Variants in RNF213 observed in about 807,000 individuals in gnomAD.
RNF213 encodes ring finger protein 213, also known as E3 ubiquitin-protein ligase RNF213.
Under a neutral mutation model 514.4 loss-of-function variants are expected in RNF213, and 341 were observed. The ratio of observed to expected loss-of-function variants is 0.66; its 90% confidence interval spans 0.61 to 0.73. RNF213 has a LOEUF of 0.73. RNF213 is among the 30% of genes least tolerant of loss of function. The probability of loss-of-function intolerance (pLI) is 0.00; values close to 1 mark genes in which losing one functional copy is unlikely to be tolerated. For synonymous variants in RNF213, 2,655 were observed against 2,658.2 expected, an observed-to-expected ratio of 1.00 and a Z score of 0.04; for missense variants, 5,767 against 6,615.6, an observed-to-expected ratio of 0.87 and a Z score of 4.45.
intron 3 of RNF213, among the ~76,000 whole-genome samples, chr17:80,280,560 C>T (rs575103720): frequency 6.6e-6 from 1 of 151,984 alleles, no homozygotes; most frequent in African/African-American, 2.4e-5. Context: ...CTCAAGCAAT[C>T]CTCGTGCCTC....
At position 80,354,083 on chromosome 17, in the gene RNF213, G is replaced by A; in HGVS notation, c.10643G>A (p.Arg3548Lys). The A allele has an allele frequency of 6.2e-7, 1 of 1,614,082 alleles. No individual in the cohort carries two copies. Among genetic ancestry groups the A allele is most frequent in the Non-Finnish European group, 8.5e-7 (1 of 1,180,042 alleles). The change falls in exon 35 of 68, where the codon AGA becomes AAA. Residue 3548 changes from arginine to lysine, a missense_variant. By Grantham distance (26) the Arg-to-Lys change is conservative. Around this residue, in one of 13 missense-constraint regions of RNF213, gnomAD observed 919 missense variants for 1,121.0 expected, o/e 0.82. Transcript: ENST00000582970. ...SCVQSAVGMLRDQNESCTRNM... is the reference protein window; with the variant it reads ...SCVQSAVGMLKDQNESCTRNM... ...GTGCAGAGCGCCGTGGGCATGCTCA[G>A]AGACCAGAACGAGAGCTGCACGCGC...
rs2080661003 is a variant in RNF213, at chr17:80,396,342, T to C, written c.*2844T>C. 1 of 152,244 alleles carries C rather than the reference T, an allele frequency of 6.6e-6. No individual in the cohort carries two copies. Among genetic ancestry groups the C allele is most frequent in the African/African-American group, 2.4e-5 (1 of 41,458 alleles). 9.4% of individuals were successfully genotyped at this position (152,244 alleles called of 1,614,324 possible). On this transcript the variant is annotated 3_prime_UTR_variant, in exon 68 of 68. Coordinates refer to ENST00000582970, the MANE Select transcript of RNF213 (RefSeq NM_001256071.3). ...ATAGTTATGAGACTTTGTGCATGTG[T>C]TAACCGAGACGGCCCTGAGCTATTT...
intron 61 of RNF213, 105 bp from the exon 62 acceptor site, chr17:80,386,145 C>G: frequency 1.8e-6 from 2 of 1,128,814 alleles, no homozygotes; most frequent in Non-Finnish European, 2.7e-6. Flanking sequence ...ACCCGGCTCC[C>G]GGCTGTGTGT....
chr17:80,295,100 C>T, intron 9 of RNF213, 97 bp downstream of exon 9: 2 of 1,424,626 alleles, frequency 1.4e-6, no homozygotes, highest in South Asian at 2.3e-5. Flanking sequence ...GGCCAGGTTG[C>T]AAATGGGAAT....
chr17:80,291,078 C>T (rs113346223), intron 7 of RNF213, among the ~76,000 whole-genome samples: 236 of 152,240 alleles, frequency 1.6e-3, no homozygotes, highest in African/African-American at 5.3e-3. Flanking sequence ...TCCCAAAGTG[C>T]TGGGATTACA....
chr17:80,345,353 G>T lies in RNF213; in HGVS notation c.7018G>T (p.Val2340Phe). The part of the protein sequence containing the change: ...VDAISHLTGK[V>F]IKRDVMTRDL... ...TGCCATCAGTCACTTGACTGGGAAG[G>T]TCATCAAGAGAGACGTCATGACCAG... Residue 2340 changes from valine to phenylalanine, a missense_variant, in exon 29 of 68, where the codon GTC becomes TTC. Around this residue, in one of 13 missense-constraint regions of RNF213, gnomAD observed 1,377 missense variants for 1,635.2 expected, o/e 0.84. Transcript: ENST00000582970. This position sits in a 1 kb window ranked among gnomAD's most constrained non-coding sequence, Gnocchi z 6.0. The T allele has an allele frequency of 6.2e-7, 1 of 1,614,100 alleles. No homozygotes were observed. The highest frequency in any genetic ancestry group is 1.1e-5 in the South Asian group (1 of 91,076).
At chr17:80,313,312 GCTC>G in intron 15 of RNF213, 145 bp downstream of exon 15, 1 of 1,129,570 alleles carries the variant, frequency 8.9e-7, no homozygotes, top group East Asian at 2.4e-5. Flanking sequence ...AAATGGAGTT[GCTC>G]CTGTCTACCT....
In RNF213 at chr17:80,334,262, C is replaced by T; in HGVS notation, c.4301C>T (p.Ala1434Val). ...GAGTTCATCTGCTGGGTCCGGGAGG[C>T]TCTTGGAGGTAAAATCAGCCTTTGG... Reference protein sequence around the residue: ...RKEFICWVREALGGINELKVF... With the variant: ...RKEFICWVREVLGGINELKVF... The change falls in exon 22 of 68, where the codon GCT (alanine) becomes GTT (valine). Residue 1434 changes from alanine (A) to valine (V), a missense_variant. Around this residue, in one of 13 missense-constraint regions of RNF213, gnomAD observed 516 missense variants for 566.5 expected, o/e 0.91. Transcript: ENST00000582970. The T allele has an allele frequency of 1.3e-6, 2 of 1,533,028 alleles. No individual in the cohort carries two copies. The highest frequency in any genetic ancestry group is 1.2e-5 in the South Asian group (1 of 83,756). 95.0% of individuals were successfully genotyped at this position (1,533,028 alleles called of 1,614,324 possible).
In RNF213 at chr17:80,350,283, A is replaced by T; in HGVS notation, c.10089-18A>T. Reference sequence around the variant, plus strand: ...TTAAGACAGAGAACTCACTTGAATAACTTCCCTTTTCTTTCAGAAACTGTT... The same window carrying T: ...TTAAGACAGAGAACTCACTTGAATATCTTCCCTTTTCTTTCAGAAACTGTT... On this transcript the variant is annotated intron_variant, in intron 30 of 67. Transcript: ENST00000582970. 1 of 1,462,202 alleles carries T rather than the reference A, an allele frequency of 6.8e-7. No individual in the cohort carries two copies. Among genetic ancestry groups the T allele is most frequent in the Non-Finnish European group, 9.6e-7 (1 of 1,041,600 alleles). 90.6% of individuals were successfully genotyped at this position (1,462,202 alleles called of 1,614,324 possible).
At chr17:80,273,675 A>T (rs2043913713) in intron 3 of RNF213, among the ~76,000 whole-genome samples, 1 of 137,818 alleles carries the variant, frequency 7.3e-6, no homozygotes, top group African/African-American at 2.8e-5. Context: ...GCTGGAGTGC[A>T]GTGGTGCGAT....
intron 21 of RNF213, among the ~76,000 whole-genome samples, chr17:80,333,226 AT>A (rs370966572): frequency 0.58 from 82,140 of 140,906 alleles, 24,411 homozygotes; most frequent in Middle Eastern, 0.68. Context: ...TTTTTTTGGT[AT>A]TTTTTTTTTT....
rs201832175 is a variant in RNF213 at position 80,313,007 on chromosome 17, A to G, written c.2656-5A>G. 1,169 of 1,613,804 alleles carry G rather than the reference A, an allele frequency of 7.2e-4. 6 individuals carry two copies. Among genetic ancestry groups the G allele is most frequent in the Non-Finnish European group, 8.0e-4 (940 of 1,180,020 alleles). ...TGACTGACCCTCCCTCTTGTGTGAC[A>G]ACAGGATTCTGCAGGACAGAGAGAT... On this transcript the variant is annotated splice_polypyrimidine_tract_variant and splice_region_variant and intron_variant, in intron 14 of 67. Coordinates refer to ENST00000582970, the MANE Select transcript of RNF213 (RefSeq NM_001256071.3).
At chr17:80,328,268 C>G in intron 19 of RNF213, 60 bp from the exon 20 acceptor site, 1 of 1,493,910 alleles carries the variant, frequency 6.7e-7, no homozygotes. Flanking sequence ...CAAAGCATTG[C>G]CATGGAAAAT....
Position 80,374,527 on chromosome 17 carries a change from C to T in RNF213, c.13012C>T (p.Arg4338Cys), listed in dbSNP as rs757330419. 1.7e-5 allele frequency: 28 copies of T among 1,614,054 alleles called. No individual in the cohort carries two copies. The highest frequency in any genetic ancestry group is 4.4e-5 in the South Asian group (4 of 91,088). Residue 4338 changes from arginine (R) to cysteine (C), a missense_variant, in exon 50 of 68, where the codon CGT (arginine) becomes TGT (cysteine). Arg to Cys is a radical substitution (Grantham distance 180). This residue lies in a region of RNF213 where 1,245 missense variants were observed against 1,339.0 expected (regional missense o/e 0.93). Coordinates refer to ENST00000582970, the MANE Select transcript of RNF213 (RefSeq NM_001256071.3). ...GTACGGCGATGAATACAAGGCTCTC[C>T]GTGATGCTGTGGCCAAAGCTGTCCT... The part of the protein sequence containing the change: ...LVYGDEYKAL[R>C]DAVAKAVLEC...
At position 80,345,852 on chromosome 17, in the gene RNF213, T is replaced by C. The variant is rs555984332; in HGVS notation, c.7517T>C (p.Met2506Thr). The change falls in exon 29 of 68, where the codon ATG becomes ACG. Residue 2506 changes from methionine to threonine, a missense_variant. By Grantham distance (81) the Met-to-Thr change is moderately conservative. This residue lies in a region of RNF213 where 1,377 missense variants were observed against 1,635.2 expected (regional missense o/e 0.84). Transcript: ENST00000582970. This position sits in a 1 kb window ranked among gnomAD's most constrained non-coding sequence, Gnocchi z 6.0. ...SCIKEVLCDH[M>T]VDGQPLAEDS... ...ATCAAAGAAGTCCTGTGTGATCATA[T>C]GGTGGATGGCCAGCCTCTGGCTGAG... is the stretch of plus-strand genomic sequence containing the variant. 1.4e-5 allele frequency: 22 copies of C among 1,614,136 alleles called. No individual in the cohort carries two copies. The highest frequency in any genetic ancestry group is 1.7e-5 in the Non-Finnish European group (20 of 1,180,040).
At chr17:80,316,921 T>G (rs1481907728) in intron 15 of RNF213, among the ~76,000 whole-genome samples, 4 of 152,190 alleles carry the variant, frequency 2.6e-5, no homozygotes, top group Admixed American at 2.6e-4. Flanking sequence ...ACATGAGAGA[T>G]AAGTCCTTTC....
rs568139810 is a variant in RNF213, at chr17:80,296,309, C to A, written c.2012+496C>A. Among the ~76,000 whole-genome samples the A allele has an allele frequency of 2.0e-5, 3 of 152,320 alleles. No homozygotes were observed. The South Asian group carries it at 6.2e-4, about 32-fold the overall frequency. On this transcript the variant is annotated intron_variant, in intron 10 of 67. Coordinates refer to ENST00000582970, the MANE Select transcript of RNF213 (RefSeq NM_001256071.3). ...TGCTAGGATTGTAGGCGTGAGCCAC[C>A]GTGCTGGGTCTGAATACCCTGCTTT...
intron 41 of RNF213, 54 bp downstream of exon 41, chr17:80,363,844 G>A: frequency 6.4e-7 from 1 of 1,556,370 alleles, no homozygotes; most frequent in Non-Finnish European, 8.8e-7. Flanking sequence ...CTCACCAGGA[G>A]CCTGCCAAGT....
At chr17:80,281,421 C>T (rs566078100) in intron 3 of RNF213, among the ~76,000 whole-genome samples, 4 of 83,000 alleles carry the variant, frequency 4.8e-5, no homozygotes, top group South Asian at 9.1e-4. Flanking sequence ...GACAAACACC[C>T]CATTCACACC....
Sources: gnomAD v4.1 joint callset for allele counts (sites outside exome capture counted in the v4.1 genomes callset) on GRCh38, gnomAD v4.1.1 for gene constraint, gnomAD v4.1.1 regional missense constraint, Gnocchi (gnomAD v3.1) non-coding constraint, MANE v1.5 for transcripts, NCBI Gene and HGNC (gene_info 2026-07-23, HGNC 2026-07-21) for gene names.